The following TMEM143 variants were observed in gnomAD, a reference collection of about 807,000 sequenced individuals.
The protein encoded by TMEM143 is transmembrane protein 143.
A neutral mutation model predicts 40.3 loss-of-function variants in TMEM143; 45 were observed. The ratio of observed to expected loss-of-function variants is 1.12; its 90% CI spans 0.88 to 1.43. TMEM143 has a LOEUF of 1.43. Ranked by LOEUF, TMEM143 falls within the 40% of genes most tolerant of loss-of-function variation. The pLI is 0.00. For missense variants in TMEM143, 620 were observed against 613.4 expected, an observed-to-expected ratio of 1.01 and a Z score of -0.11; for synonymous variants, 299 against 282.7, an observed-to-expected ratio of 1.06 and a Z score of -0.58.
Position 48,360,236 on chromosome 19 carries a change from A to C in TMEM143, c.265-60T>G, listed in dbSNP as rs888732414. 4 of 1,525,274 alleles carry C rather than the reference A, an allele frequency of 2.6e-6. No individual in the cohort carries two copies. In the African/African-American group the frequency reaches 5.4e-5, roughly 21 times the overall value. The allele number at this position is 1,525,274 out of a possible 1,614,324, so 94.5% of individuals were successfully genotyped here. The stretch of plus-strand genomic sequence containing the variant: ...CTTTTCCCCTTCCCCGAGGGAAAGA[A>C]TTCTTTCCCTGGCTGCCTAACTACA... On this transcript the variant is annotated intron_variant, in intron 2 of 7. Coordinates refer to ENST00000293261, the MANE Select transcript of TMEM143 (RefSeq NM_018273.4).
Position 48,334,196 on chromosome 19 carries a change from A to G in TMEM143, c.977T>C (p.Met326Thr), listed in dbSNP as rs1274620657. 16 of 1,599,224 alleles carry G rather than the reference A, an allele frequency of 1.0e-5. No individual in the cohort carries two copies. The highest frequency in any genetic ancestry group is 1.4e-5 in the Non-Finnish European group (16 of 1,174,096). Residue 326 changes from methionine to threonine, a missense_variant and splice_region_variant, in exon 7 of 8, where the codon ATG becomes ACG. By Grantham distance (81) the Met-to-Thr change is moderately conservative. Coordinates refer to ENST00000293261, the MANE Select transcript of TMEM143 (RefSeq NM_018273.4). ...AIFMGLRASK[M>T]FGQRRSAQAL... Reference sequence around the variant, plus strand: ...CTGCGCGCTGCGCCGCTGCCCGAACATCTGCAGGCGGGACAGCGCCCCGTG... The same window carrying G: ...CTGCGCGCTGCGCCGCTGCCCGAACGTCTGCAGGCGGGACAGCGCCCCGTG...
At chr19:48,346,101 C>CT (rs927376956) in intron 3 of TMEM143, among the ~76,000 whole-genome samples, 12 of 137,100 alleles carry the variant, frequency 8.8e-5, no homozygotes, top group East Asian at 4.4e-4. Context: ...TTTTCTTTCT[C>CT]TTTTTTTTGA....
At chr19:48,334,416 CTCTTTCTTTCTTTCTT>C (rs201875941) in intron 6 of TMEM143, among the ~76,000 whole-genome samples, 4,102 of 108,074 alleles carry the variant, frequency 0.038, 102 homozygotes, top group East Asian at 0.083. Context: ...TTCTTTTTCT[CTCTTTCTTTCTTTCTT>C]TCTTTCTTTC....
chr19:48,356,563 G>A (rs370325787), intron 3 of TMEM143, among the ~76,000 whole-genome samples: 1 of 151,124 alleles, frequency 6.6e-6, no homozygotes. Context: ...CCAAGTAGCT[G>A]GGATTATAGA....
intron 3 of TMEM143, among the ~76,000 whole-genome samples, chr19:48,351,527 C>T (rs538186527): frequency 1.4e-4 from 21 of 152,272 alleles, no homozygotes; most frequent in African/African-American, 5.1e-4. Context: ...CCCACTCAGT[C>T]AAAGCAAAGT....
intron 3 of TMEM143, among the ~76,000 whole-genome samples, chr19:48,346,868 G>A (rs550100889): frequency 2.6e-5 from 4 of 152,208 alleles, no homozygotes; most frequent in Admixed American, 1.3e-4. Flanking sequence ...GTGAGCCATC[G>A]CACCTGGCCT....
intron 6 of TMEM143, among the ~76,000 whole-genome samples, chr19:48,335,760 G>A (rs1569023327): frequency 6.6e-6 from 1 of 152,034 alleles, no homozygotes; most frequent in Non-Finnish European, 1.5e-5. Context: ...TGGGTGTGAT[G>A]GTGAGCACCT....
rs1327611572 is a variant in TMEM143 at position 48,333,758 on chromosome 19, G to A, written c.1165+250C>T. On this transcript the variant is annotated intron_variant, in intron 7 of 7. Transcript: ENST00000293261. The surrounding 1 kb of genome is among the most constrained non-coding windows in gnomAD (Gnocchi z 4.1). Reference sequence around the variant, plus strand: ...TAGGGAGAGTGTCAGCTCAGGTAGAGGAAAGAATGACAGGAGGGGGCCGTG... The same window carrying A: ...TAGGGAGAGTGTCAGCTCAGGTAGAAGAAAGAATGACAGGAGGGGGCCGTG... Among the ~76,000 whole-genome samples the A allele has an allele frequency of 3.3e-5, 5 of 152,122 alleles. No individual in the cohort carries two copies. The highest frequency in any genetic ancestry group is 9.7e-5 in the African/African-American group (4 of 41,434).
intron 1 of TMEM143, 106 bp from the exon 2 acceptor site, chr19:48,363,637 G>C (rs774594198): frequency 6.8e-6 from 10 of 1,475,204 alleles, no homozygotes; most frequent in African/African-American, 1.4e-5. Flanking sequence ...CAGGCAGGGC[G>C]CAGAGCCCAT....
intron 6 of TMEM143, among the ~76,000 whole-genome samples, chr19:48,338,305 AGT>A (rs1969417023): frequency 6.6e-6 from 1 of 151,962 alleles, no homozygotes; most frequent in Non-Finnish European, 1.5e-5. Context: ...CTCCCCGTCC[AGT>A]TTGTCTGCAC....
intron 6 of TMEM143, among the ~76,000 whole-genome samples, chr19:48,338,990 G>C (rs1300295869): frequency 6.6e-6 from 1 of 152,164 alleles, no homozygotes; most frequent in African/African-American, 2.4e-5. Flanking sequence ...TGGCAGGGTG[G>C]GGGCGCCGCA....
intron 5 of TMEM143, 36 bp from the exon 6 acceptor site, chr19:48,342,845 G>A (rs765380373): frequency 6.4e-7 from 1 of 1,563,060 alleles, no homozygotes; most frequent in Non-Finnish European, 8.7e-7. Flanking sequence ...GCAGGATCGG[G>A]ACTGCACTGC....
chr19:48,334,213 C>G lies in TMEM143; in HGVS notation c.976-16G>C. On this transcript the variant is annotated splice_polypyrimidine_tract_variant and intron_variant, in intron 6 of 7. Transcript: ENST00000293261. ...GCCCGAACATCTGCAGGCGGGACAG[C>G]GCCCCGTGGGCTCAGTTCGGGGTGC... 1 of 1,580,824 alleles carries G rather than the reference C, an allele frequency of 6.3e-7. No homozygotes were observed. The highest frequency in any genetic ancestry group is 2.3e-5 in the East Asian group (1 of 43,548).
rs1393839322 is a variant in TMEM143 at position 48,345,222 on chromosome 19, G to A, written c.502C>T (p.Pro168Ser). ...TAGGCCAGGGTGTCCTCAGACAGCGGGGAGAAGTTGGCCTGGGCCAGCAGG... is the reference window on the plus strand; with the variant it reads ...TAGGCCAGGGTGTCCTCAGACAGCGAGGAGAAGTTGGCCTGGGCCAGCAGG... ...EPLLAQANFSPLSEDTLAYAL... is the reference protein window; with the variant it reads ...EPLLAQANFSSLSEDTLAYAL... The change falls in exon 4 of 8, where the codon CCG (proline) becomes TCG (serine). Residue 168 changes from proline (P) to serine (S), a missense_variant. Pro to Ser is a moderately conservative substitution (Grantham distance 74, BLOSUM62 -1). Transcript: ENST00000293261. 3 of 1,613,566 alleles carry A rather than the reference G, an allele frequency of 1.9e-6. No homozygotes were observed. The highest frequency in any genetic ancestry group is 3.3e-5 in the Admixed American group (2 of 59,988).
chr19:48,347,306 TA>T (rs1181645584), intron 3 of TMEM143, among the ~76,000 whole-genome samples: 3 of 152,054 alleles, frequency 2.0e-5, no homozygotes, highest in Non-Finnish European at 2.9e-5. Flanking sequence ...GATTCTGAAT[TA>T]GTGGAAGGAG....
chr19:48,348,534 G>A (rs1009481835), intron 3 of TMEM143, among the ~76,000 whole-genome samples: 6 of 152,112 alleles, frequency 3.9e-5, no homozygotes, highest in Non-Finnish European at 5.9e-5. Context: ...GGGAGATCTC[G>A]TCAAACAATA....
intron 3 of TMEM143, among the ~76,000 whole-genome samples, chr19:48,356,051 G>C (rs1044882091): frequency 2.0e-5 from 3 of 152,278 alleles, no homozygotes; most frequent in Non-Finnish European, 4.4e-5. Context: ...GACTCCACCG[G>C]GAGAGGACAG....
Position 48,333,086 on chromosome 19 carries a change from T to C in TMEM143, c.*133A>G. On this transcript the variant is annotated 3_prime_UTR_variant, in exon 8 of 8. Transcript: ENST00000293261. The surrounding 1 kb of genome is among the most constrained non-coding windows in gnomAD (Gnocchi z 4.1). ...TTGGCTGCTTTGCTTAAGCACACAG[T>C]GCAGCAAAAATAATCACCTGTCAGT... is the stretch of plus-strand genomic sequence containing the variant. 1 of 713,004 alleles carries C rather than the reference T, an allele frequency of 1.4e-6. No individual in the cohort carries two copies. The highest frequency in any genetic ancestry group is 3.8e-5 in the Admixed American group (1 of 26,324). 44.2% of individuals were successfully genotyped at this position (713,004 alleles called of 1,614,324 possible). A position where few individuals can be genotyped will look rare whatever the true frequency, so the allele number is the denominator to read the frequency against.
At chr19:48,351,282 C>T (rs1207605459) in intron 3 of TMEM143, among the ~76,000 whole-genome samples, 1 of 152,188 alleles carries the variant, frequency 6.6e-6, no homozygotes, top group Non-Finnish European at 1.5e-5. Flanking sequence ...CTGGAGTCTT[C>T]CCTTTCTCAC....
Sources: allele counts gnomAD v4.1 joint callset (sites outside exome capture counted in the v4.1 genomes callset), GRCh38; gene constraint gnomAD v4.1.1; non-coding constraint Gnocchi (gnomAD v3.1); transcripts MANE v1.5; gene names NCBI Gene and HGNC (gene_info 2026-07-23, HGNC 2026-07-21).